The following ZFAND3 variants were observed in gnomAD, a reference collection of about 807,000 sequenced individuals.
The protein encoded by ZFAND3 is AN1-type zinc finger protein 3.
ZFAND3 carries 10 observed loss-of-function variants against 29.6 expected under a neutral mutation model. The ratio of observed to expected loss-of-function variants is 0.34; its 90% confidence interval spans 0.21 to 0.57. The LOEUF (loss-of-function observed/expected upper bound fraction) is 0.57. ZFAND3 is among the 20% of genes least tolerant of loss of function. The pLI, the probability that ZFAND3 is intolerant of heterozygous loss-of-function variation, is 0.86. For missense variants in ZFAND3, 230 were observed against 304.5 expected (o/e 0.76, Z 1.82); for synonymous variants, 128 against 112.6 (o/e 1.14, Z -0.87).
At chr6:37,897,407 A>G (rs1301807755) in intron 1 of ZFAND3, among the ~76,000 whole-genome samples, 1 of 152,174 alleles carries the variant, frequency 6.6e-6, no homozygotes, top group Non-Finnish European at 1.5e-5. Flanking sequence ...CAGTTTATGG[A>G]TTTATTCACT....
In ZFAND3 at chr6:37,894,749, G is replaced by A. The variant is rs555665611; in HGVS notation, c.72-35210G>A. On this transcript the variant is annotated intron_variant, in intron 1 of 5. Transcript: ENST00000287218. ...TGTTTGGAAATGTCTTTGTTTCTTCGTTTTTGAAATATATTTTTGCTGAGT... is the reference window on the plus strand; with the variant it reads ...TGTTTGGAAATGTCTTTGTTTCTTCATTTTTGAAATATATTTTTGCTGAGT... 3.3e-5 allele frequency among the ~76,000 whole-genome samples: 5 copies of A among 152,196 alleles called. No homozygotes were observed. The South Asian group carries it at 6.2e-4, about 19-fold the overall frequency.
chr6:37,856,083 C>T (rs1414823644), intron 1 of ZFAND3, among the ~76,000 whole-genome samples: 3 of 151,516 alleles, frequency 2.0e-5, no homozygotes, highest in African/African-American at 7.3e-5. Context: ...GGCTGGCATG[C>T]AGTGGTGCTC....
intron 1 of ZFAND3, among the ~76,000 whole-genome samples, chr6:37,900,379 A>T (rs1765297740): frequency 6.6e-6 from 1 of 152,228 alleles, no homozygotes; most frequent in Non-Finnish European, 1.5e-5. Context: ...CTTGCAGAAG[A>T]CATCTCTTTT....
chr6:38,048,151 G>T (rs573433462), intron 2 of ZFAND3, among the ~76,000 whole-genome samples: 1 of 151,760 alleles, frequency 6.6e-6, no homozygotes, highest in Non-Finnish European at 1.5e-5. Context: ...GACTACAGGC[G>T]CGCACCATTA....
intron 2 of ZFAND3, among the ~76,000 whole-genome samples, chr6:38,000,923 C>T (rs1423970250): frequency 1.3e-5 from 2 of 152,116 alleles, no homozygotes; most frequent in African/African-American, 2.4e-5. Flanking sequence ...AGTCTTGCGC[C>T]TACCTTCTGC....
intron 1 of ZFAND3, among the ~76,000 whole-genome samples, chr6:37,871,092 G>C (rs1357829376): frequency 6.6e-6 from 1 of 152,108 alleles, no homozygotes; most frequent in Non-Finnish European, 1.5e-5. Context: ...TCTTAGTTCT[G>C]ATTATAGAAT....
intron 1 of ZFAND3, among the ~76,000 whole-genome samples, chr6:37,871,528 G>T (rs1008508456): frequency 3.9e-5 from 6 of 152,174 alleles, no homozygotes; most frequent in African/African-American, 9.7e-5. Flanking sequence ...GATATTGGTG[G>T]ATTGATTGGC....
intron 5 of ZFAND3, among the ~76,000 whole-genome samples, chr6:38,141,849 A>G (rs1302930818): frequency 3.3e-5 from 5 of 152,122 alleles, no homozygotes; most frequent in Admixed American, 2.6e-4. Flanking sequence ...CAAAATGGCA[A>G]AAGGGATGAC....
chr6:38,061,596 T>G lies in ZFAND3; in HGVS notation c.116T>G (p.Phe39Cys). The G allele has an allele frequency of 6.2e-7, 1 of 1,614,122 alleles. No individual in the cohort carries two copies. The highest frequency in any genetic ancestry group is 2.2e-5 in the East Asian group (1 of 44,882). Residue 39 changes from phenylalanine to cysteine, a missense_variant, in exon 3 of 6, where the codon TTT (phenylalanine) becomes TGT (cysteine). Physicochemically the swap from Phe to Cys is radical, Grantham distance 205. Transcript: ENST00000287218. ...CTCGTTTTCTATTTTTCTTCAGATT[T>G]TCAAAAGAAACAGCCAGACGATGAT... ...MNLCSKCFAD[F>C]QKKQPDDDSA...
intron 2 of ZFAND3, among the ~76,000 whole-genome samples, chr6:37,983,687 T>C (rs1762618723): frequency 6.6e-6 from 1 of 151,736 alleles, no homozygotes; most frequent in African/African-American, 2.4e-5. Flanking sequence ...TTATATGGTG[T>C]TTTTACTCTG....
intron 5 of ZFAND3, among the ~76,000 whole-genome samples, chr6:38,151,086 C>T (rs1562019149): frequency 2.0e-5 from 3 of 152,202 alleles, no homozygotes; most frequent in Admixed American, 1.3e-4. Context: ...GACGTCTGTG[C>T]TCCACATGCG....
intron 4 of ZFAND3, among the ~76,000 whole-genome samples, chr6:38,090,361 T>C (rs1764840236): frequency 6.6e-6 from 1 of 152,232 alleles, no homozygotes; most frequent in East Asian, 1.9e-4. Flanking sequence ...TAGTGTTTAA[T>C]GTAACCATTG....
chr6:37,956,165 G>A (rs1448091289), intron 2 of ZFAND3, among the ~76,000 whole-genome samples: 2 of 152,108 alleles, frequency 1.3e-5, no homozygotes, highest in Admixed American at 6.5e-5. Flanking sequence ...TTAAATGTTT[G>A]AAAAACAAAA....
At chr6:38,032,094 A>T (rs1763573215) in intron 2 of ZFAND3, among the ~76,000 whole-genome samples, 1 of 151,998 alleles carries the variant, frequency 6.6e-6, no homozygotes, top group Non-Finnish European at 1.5e-5. Context: ...CAACCTCCCA[A>T]AGTTCTGGAA....
At chr6:38,122,937 C>G (rs1765562825) in intron 5 of ZFAND3, among the ~76,000 whole-genome samples, 1 of 152,188 alleles carries the variant, frequency 6.6e-6, no homozygotes, top group African/African-American at 2.4e-5. Flanking sequence ...GAGATGAACT[C>G]TGTTCAGCTG....
At chr6:38,053,055 GA>G (rs139231271) in intron 2 of ZFAND3, among the ~76,000 whole-genome samples, 13,026 of 146,282 alleles carry the variant, frequency 0.089, 735 homozygotes, top group East Asian at 0.29. Flanking sequence ...AAAAGAAAAA[GA>G]AAAAAAAAAT....
chr6:38,106,195 A>G (rs1418593000), intron 4 of ZFAND3, among the ~76,000 whole-genome samples: 1 of 151,238 alleles, frequency 6.6e-6, no homozygotes, highest in Admixed American at 6.6e-5. Context: ...CTCACTGCCC[A>G]GTCTGGAGTG....
intron 1 of ZFAND3, among the ~76,000 whole-genome samples, chr6:37,922,509 G>T (rs1024456096): frequency 6.6e-6 from 1 of 152,118 alleles, no homozygotes; most frequent in Non-Finnish European, 1.5e-5. Flanking sequence ...ATACACAAAA[G>T]AAAATAGTCA....
chr6:38,116,751 C>T lies in ZFAND3; in HGVS notation c.529+12C>T, dbSNP rs1765425778. 6.2e-7 allele frequency: 1 copy of T among 1,612,268 alleles called. No individual in the cohort carries two copies. Among genetic ancestry groups the T allele is most frequent in the African/African-American group, 1.3e-5 (1 of 74,858 alleles). ...ATCGTGTCGCTGCGGTAAGCATCTC[C>T]CCCAGTGGCGTGATGGAGACTATAT... is the stretch of plus-strand genomic sequence containing the variant. On this transcript the variant is annotated intron_variant, in intron 5 of 5. Coordinates refer to ENST00000287218, the MANE Select transcript of ZFAND3 (RefSeq NM_021943.3).
Sources: gnomAD v4.1 joint callset for allele counts (sites outside exome capture counted in the v4.1 genomes callset) on GRCh38, gnomAD v4.1.1 for gene constraint, MANE v1.5 for transcripts, NCBI Gene and HGNC (gene_info 2026-07-23, HGNC 2026-07-21) for gene names.